HFM1: variants seen among roughly 807,000 people sequenced by gnomAD.
HFM1 encodes helicase for meiosis 1.
A neutral mutation model predicts 192.1 loss-of-function variants in HFM1; 169 were observed. The ratio of observed to expected loss-of-function variants is 0.88; its 90% CI spans 0.78 to 1.00. HFM1 has a LOEUF of 1.00. Ranked by LOEUF, HFM1 falls within the 50% of genes least tolerant of loss-of-function variation. The pLI is 0.00. For synonymous variants in HFM1, 525 were observed against 537.8 expected, an observed-to-expected ratio of 0.98 and a Z score of 0.33; for missense variants, 1,661 against 1,668.0, an observed-to-expected ratio of 1.00 and a Z score of 0.07.
At chr1:91,377,954 C>T (rs1032573708) in intron 11 of HFM1, 71 bp downstream of exon 11, 3 of 1,390,340 alleles carry the variant, frequency 2.2e-6, no homozygotes, top group South Asian at 2.5e-5. Flanking sequence ...TCACTTTTCT[C>T]TATGATCAAG....
At chr1:91,292,689 A>C (rs1169032386) in intron 30 of HFM1, among the ~76,000 whole-genome samples, 1 of 152,006 alleles carries the variant, frequency 6.6e-6, no homozygotes, top group African/African-American at 2.4e-5. Flanking sequence ...CTTCACAGAA[A>C]TGGAAAAAAC....
intron 26 of HFM1, 46 bp from the exon 27 acceptor site, chr1:91,316,230 T>A (rs1378397598): frequency 2.5e-6 from 3 of 1,224,162 alleles, no homozygotes; most frequent in Non-Finnish European, 3.5e-6. Context: ...CACTTGAAAT[T>A]CTTTTAGTAA....
intron 4 of HFM1, 79 bp from the exon 5 acceptor site, chr1:91,385,913 C>G: frequency 1.6e-6 from 2 of 1,252,640 alleles, no homozygotes; most frequent in South Asian, 3.0e-5. Context: ...ATAAAATTGG[C>G]CCCCTTAAAA....
chr1:91,373,169 A>C (rs1054552808), intron 13 of HFM1, among the ~76,000 whole-genome samples: 8 of 151,018 alleles, frequency 5.3e-5, no homozygotes, highest in Non-Finnish European at 1.0e-4. Context: ...AAAGAATGTA[A>C]AGAAGACTAA....
chr1:91,385,292 G>T, intron 5 of HFM1, 58 bp from the exon 6 acceptor site: 1 of 1,001,990 alleles, frequency 1.0e-6, no homozygotes, highest in Non-Finnish European at 1.5e-6. Context: ...ATGGTCAGAA[G>T]CTAGGACCTG....
At chr1:91,345,033 C>A (rs949603115) in intron 19 of HFM1, among the ~76,000 whole-genome samples, 18 of 152,100 alleles carry the variant, frequency 1.2e-4, no homozygotes, top group Non-Finnish European at 1.5e-5. Context: ...CAGGCATGAA[C>A]CACCATGCCC....
intron 4 of HFM1, among the ~76,000 whole-genome samples, chr1:91,389,212 A>C (rs963573148): frequency 2.9e-5 from 4 of 136,088 alleles, no homozygotes; most frequent in African/African-American, 1.1e-4. Context: ...CCCAGGCTGG[A>C]GTGCAGTGGT....
intron 30 of HFM1, among the ~76,000 whole-genome samples, chr1:91,285,077 C>A (rs1232541753): frequency 6.6e-6 from 1 of 152,108 alleles, no homozygotes; most frequent in South Asian, 2.1e-4. Flanking sequence ...CTCTCATTCT[C>A]TCTTGTCTGC....
intron 36 of HFM1, among the ~76,000 whole-genome samples, chr1:91,264,141 T>G (rs1373038964): frequency 6.6e-6 from 1 of 152,062 alleles, no homozygotes; most frequent in African/African-American, 2.4e-5. Flanking sequence ...CAAGGGTGAA[T>G]GAGCTCCTGG....
At chr1:91,312,432 G>T (rs1650603387) in intron 30 of HFM1, among the ~76,000 whole-genome samples, 1 of 152,306 alleles carries the variant, frequency 6.6e-6, no homozygotes, top group Middle Eastern at 3.4e-3. Flanking sequence ...GAGACCTGGA[G>T]TCAAAGGAGA....
chr1:91,355,788 C>T (rs925682300), intron 13 of HFM1, among the ~76,000 whole-genome samples: 2 of 152,116 alleles, frequency 1.3e-5, no homozygotes, highest in African/African-American at 4.8e-5. Context: ...CAATATCCCA[C>T]TTTCAATAAT....
rs1184142438 is a variant in HFM1, at chr1:91,315,925, T to A, written c.3030A>T (p.Ile1010=). Reference sequence around the variant, plus strand: ...TTTGTAGCTGTTCAAAATTTCTTAATATAACAGTCACTAATATTTCTGCCG... The same window carrying A: ...TTTGTAGCTGTTCAAAATTTCTTAAAATAACAGTCACTAATATTTCTGCCG... ...DTTAEILVTV[I]LRNFEQLQTK... Residue 1010 remains isoleucine (I), a synonymous_variant, in exon 28 of 39, where the codon ATA becomes ATT. Coordinates refer to ENST00000370425, the MANE Select transcript of HFM1 (RefSeq NM_001017975.6). 1 of 1,597,860 alleles carries A rather than the reference T, an allele frequency of 6.3e-7. No homozygotes were observed. The highest frequency in any genetic ancestry group is 2.2e-5 in the East Asian group (1 of 44,668).
chr1:91,314,698 C>T (rs1650949375), intron 28 of HFM1, among the ~76,000 whole-genome samples: 1 of 152,118 alleles, frequency 6.6e-6, no homozygotes, highest in Non-Finnish European at 1.5e-5. Context: ...ATGAGAACAA[C>T]TTCAATAGTA....
chr1:91,399,370 TAC>T (rs200743930), intron 2 of HFM1, among the ~76,000 whole-genome samples: 41 of 152,286 alleles, frequency 2.7e-4, no homozygotes, highest in East Asian at 1.4e-3. Flanking sequence ...AGATTATACC[TAC>T]AGTTTTATTT....
At chr1:91,400,150 A>G (rs1308570561) in intron 2 of HFM1, among the ~76,000 whole-genome samples, 1 of 152,126 alleles carries the variant, frequency 6.6e-6, no homozygotes, top group African/African-American at 2.4e-5. Context: ...CCTCATTAAA[A>G]TAGGATAATA....
chr1:91,356,138 G>A (rs1657698674), intron 13 of HFM1, among the ~76,000 whole-genome samples: 1 of 151,638 alleles, frequency 6.6e-6, no homozygotes, highest in African/African-American at 2.4e-5. Context: ...AACAATCAAT[G>A]GTCAAAGAAA....
intron 4 of HFM1, among the ~76,000 whole-genome samples, chr1:91,393,277 C>A (rs561937173): frequency 1.3e-5 from 2 of 152,200 alleles, no homozygotes; most frequent in Non-Finnish European, 2.9e-5. Flanking sequence ...CTCTCACTTT[C>A]TCTCTCAAAC....
At chr1:91,310,905 T>C (rs1212548179) in intron 30 of HFM1, among the ~76,000 whole-genome samples, 3 of 152,178 alleles carry the variant, frequency 2.0e-5, no homozygotes, top group East Asian at 1.9e-4. Context: ...CAGATTAATA[T>C]AGTAAATTGG....
chr1:91,309,737 A>G (rs1394556811), intron 30 of HFM1, among the ~76,000 whole-genome samples: 15 of 152,204 alleles, frequency 9.9e-5, no homozygotes, highest in Non-Finnish European at 2.9e-5. Flanking sequence ...TAGAAGGCAT[A>G]TATAGATAAT....
Sources: allele counts gnomAD v4.1 joint callset (sites outside exome capture counted in the v4.1 genomes callset), GRCh38; gene constraint gnomAD v4.1.1; transcripts MANE v1.5; gene names NCBI Gene and HGNC (gene_info 2026-07-23, HGNC 2026-07-21).